ARHGEF9: variants seen among roughly 807,000 people sequenced by gnomAD.
ARHGEF9 encodes Cdc42 guanine nucleotide exchange factor 9.
In ARHGEF9, 2 loss-of-function variants were observed where a neutral mutation model predicts 41.3. The observed-to-expected ratio is 0.05, with a 90% confidence interval of 0.02 to 0.15. ARHGEF9 has a LOEUF of 0.15. Ranked by LOEUF, ARHGEF9 falls within the 10% of genes least tolerant of loss-of-function variation. The pLI is 1.00. For synonymous variants in ARHGEF9, 160 were observed against 154.4 expected (o/e 1.04, Z -0.27); for missense variants, 225 against 424.7 (o/e 0.53, Z 4.13).
intron 1 of ARHGEF9, among the ~76,000 whole-genome samples, chrX:63,770,337 T>A (rs1482647088): frequency 1.8e-5 from 2 of 112,731 alleles, no homozygotes; most frequent in Non-Finnish European, 3.7e-5. Flanking sequence ...GAAACTTGCA[T>A]GGGGCCTGGA....
chrX:63,635,102 C>T lies in ARHGEF9; in HGVS notation c.*2926G>A, dbSNP rs2047250211. ...GACAGAGTCAGTCAGATAAAAGAAA[C>T]AAAAGAATAAACTGGCAAATGCAGA... On this transcript the variant is annotated 3_prime_UTR_variant, in exon 10 of 10. Transcript: ENST00000671741. 3.0e-6 allele frequency: 1 copy of T among 335,480 alleles called. No individual in the cohort carries two copies. The highest frequency in any genetic ancestry group is 2.8e-5 in the African/African-American group (1 of 36,042). The allele number at this position is 335,480 out of a possible 1,213,427, so 27.6% of individuals were successfully genotyped here.
At chrX:63,750,343 T>A (rs1445121100) in intron 1 of ARHGEF9, among the ~76,000 whole-genome samples, 1 of 110,924 alleles carries the variant, frequency 9.0e-6, no homozygotes, top group Non-Finnish European at 1.9e-5. Flanking sequence ...ATCTTTCAGC[T>A]CCCTAGTAGC....
chrX:63,779,648 G>T (rs782639057), intron 1 of ARHGEF9, among the ~76,000 whole-genome samples: 1 of 111,755 alleles, frequency 8.9e-6, no homozygotes, highest in South Asian at 3.8e-4. Context: ...GTCACTAGAA[G>T]GAAGCATAGG....
intron 1 of ARHGEF9, among the ~76,000 whole-genome samples, chrX:63,768,788 C>A (rs1556453001): frequency 1.8e-5 from 2 of 111,644 alleles, no homozygotes. Flanking sequence ...TACATTTTTT[C>A]TTTGCCTGCC....
intron 7 of ARHGEF9, among the ~76,000 whole-genome samples, chrX:63,661,758 TTC>T (rs199903174): frequency 3.9e-3 from 413 of 104,836 alleles, no homozygotes; most frequent in South Asian, 3.7e-3. Flanking sequence ...TGCTCTCCTT[TTC>T]TCTCTCTCTC....
chrX:63,773,726 C>A (rs1556456293), intron 1 of ARHGEF9, among the ~76,000 whole-genome samples: 4 of 111,942 alleles, frequency 3.6e-5, no homozygotes, highest in Middle Eastern at 4.7e-3. Flanking sequence ...TTGCCCTCCA[C>A]AATGTGGATG....
chrX:63,676,149 T>A lies in ARHGEF9; in HGVS notation c.816-1982A>T, dbSNP rs782314678. On this transcript the variant is annotated intron_variant, in intron 5 of 9. Transcript: ENST00000671741. ...ACGTAGTACCTCCTCCTAGTTCACA[T>A]CCCTCACTCCAATCTGTGATCTGCA... Among the ~76,000 whole-genome samples, 18 of 112,081 alleles carry A rather than the reference T, an allele frequency of 1.6e-4. No homozygotes were observed. In the South Asian group the frequency reaches 6.7e-3, roughly 42 times the overall value.
intron 8 of ARHGEF9, among the ~76,000 whole-genome samples, chrX:63,645,914 C>T (rs185006217): frequency 4.5e-5 from 5 of 111,917 alleles, no homozygotes; most frequent in South Asian, 3.8e-4. Flanking sequence ...TTTTAATGAT[C>T]GCCATTCCAA....
intron 8 of ARHGEF9, among the ~76,000 whole-genome samples, chrX:63,652,335 T>C (rs1319918690): frequency 1.8e-5 from 2 of 111,837 alleles, no homozygotes; most frequent in Admixed American, 1.9e-4. Context: ...TGGTTGCTTC[T>C]TTACTGAACA....
intron 4 of ARHGEF9, among the ~76,000 whole-genome samples, chrX:63,681,978 A>G (rs1390239703): frequency 5.8e-4 from 64 of 110,347 alleles, no homozygotes; most frequent in African/African-American, 1.9e-3. Flanking sequence ...GATTGAATCA[A>G]GAAGAAATAG....
intron 4 of ARHGEF9, among the ~76,000 whole-genome samples, chrX:63,678,917 A>G (rs1224418974): frequency 5.4e-5 from 6 of 111,902 alleles, no homozygotes; most frequent in Non-Finnish European, 1.1e-4. Context: ...CAGTGACTCT[A>G]CTTCTGGCAA....
chrX:63,773,774 A>C (rs2056242544), intron 1 of ARHGEF9, among the ~76,000 whole-genome samples: 2 of 111,383 alleles, frequency 1.8e-5, no homozygotes, highest in African/African-American at 3.3e-5. Context: ...GAATAGAACA[A>C]AAAGGCCAAG....
Position 63,637,067 on chromosome X carries a change from A to G in ARHGEF9, c.*961T>C, listed in dbSNP as rs1424665452. ...CTTCCAGTTCAGATCTTTTGGGCTA[A>G]GGGAGAGACAGGCCTAGGGGGAGAC... On this transcript the variant is annotated 3_prime_UTR_variant, in exon 10 of 10. Transcript: ENST00000671741. The G allele has an allele frequency of 6.8e-6, 2 of 295,556 alleles. No homozygotes were observed. The highest frequency in any genetic ancestry group is 5.5e-5 in the African/African-American group (2 of 36,325). 24.4% of individuals were successfully genotyped at this position (295,556 alleles called of 1,213,427 possible).
At chrX:63,749,240 CT>C (rs374558728) in intron 1 of ARHGEF9, among the ~76,000 whole-genome samples, 4 of 110,086 alleles carry the variant, frequency 3.6e-5, no homozygotes, top group African/African-American at 9.9e-5. Context: ...CCTTTTCTTT[CT>C]TTTTTTTTGG....
intron 1 of ARHGEF9, among the ~76,000 whole-genome samples, chrX:63,780,154 A>G (rs782744173): frequency 8.9e-6 from 1 of 112,098 alleles, no homozygotes; most frequent in African/African-American, 3.2e-5. Context: ...AGTGCTATGG[A>G]TGATAGAGGA....
At chrX:63,649,347 C>T (rs1602222199) in intron 8 of ARHGEF9, among the ~76,000 whole-genome samples, 1 of 110,178 alleles carries the variant, frequency 9.1e-6, no homozygotes, top group Admixed American at 9.7e-5. Flanking sequence ...CTACTGGGTA[C>T]ATAACGAAAT....
intron 8 of ARHGEF9, among the ~76,000 whole-genome samples, chrX:63,654,740 C>T (rs1556333680): frequency 8.9e-6 from 1 of 111,756 alleles, no homozygotes; most frequent in Non-Finnish European, 1.9e-5. Flanking sequence ...AGGGCAAAGA[C>T]AGAAACTGTA....
At chrX:63,674,608 G>A (rs1485173225) in intron 5 of ARHGEF9, among the ~76,000 whole-genome samples, 2 of 112,006 alleles carry the variant, frequency 1.8e-5, no homozygotes, top group East Asian at 5.6e-4. Flanking sequence ...TATCTGGGAA[G>A]AGAGAGTTGT....
chrX:63,671,845 G>T (rs1556356001), intron 6 of ARHGEF9, among the ~76,000 whole-genome samples: 1 of 112,189 alleles, frequency 8.9e-6, no homozygotes, highest in African/African-American at 3.2e-5. Context: ...GAAACTTTAG[G>T]CTTGGCCTTT....
Sources: allele counts gnomAD v4.1 joint callset (sites outside exome capture counted in the v4.1 genomes callset), GRCh38; gene constraint gnomAD v4.1.1; transcripts MANE v1.5; gene names NCBI Gene and HGNC (gene_info 2026-07-23, HGNC 2026-07-21).